Variants in SNAP25 observed in about 807,000 individuals in gnomAD.
SNAP25 encodes the protein synaptosome associated protein 25, also known as synaptosomal-associated protein 25.
Under a neutral mutation model 28.7 loss-of-function variants are expected in SNAP25, and 3 were observed. The ratio of observed to expected loss-of-function variants is 0.10; its 90% CI spans 0.05 to 0.27. SNAP25 has a LOEUF of 0.27. SNAP25 is among the 10% of genes least tolerant of loss of function. The pLI, the probability that SNAP25 is intolerant of heterozygous loss-of-function variation, is 1.00. For synonymous variants in SNAP25, 61 were observed against 88.1 expected (o/e 0.69, Z 1.72); for missense variants, 117 against 278.7 (o/e 0.42, Z 4.13).
chr20:10,263,478 G>C (rs1347370676), intron 1 of SNAP25, among the ~76,000 whole-genome samples: 1 of 152,164 alleles, frequency 6.6e-6, no homozygotes, highest in Non-Finnish European at 1.5e-5. Context: ...CCAGGTGTTG[G>C]TGTGGTCATA....
intron 1 of SNAP25, among the ~76,000 whole-genome samples, chr20:10,258,420 C>T (rs1204620634): frequency 4.6e-5 from 7 of 152,082 alleles, no homozygotes; most frequent in African/African-American, 1.7e-4. Context: ...GAAAACTATC[C>T]ATGATCAAAC....
chr20:10,291,140 C>A (rs2063989269), intron 4 of SNAP25, among the ~76,000 whole-genome samples: 1 of 152,192 alleles, frequency 6.6e-6, no homozygotes, highest in African/African-American at 2.4e-5. Context: ...ATAGTGCAAT[C>A]TCAGCTCACT....
chr20:10,288,863 CCTTT>C (rs2063937611), intron 4 of SNAP25, among the ~76,000 whole-genome samples: 1 of 151,514 alleles, frequency 6.6e-6, no homozygotes, highest in Non-Finnish European at 1.5e-5. Context: ...CACAGAAGGA[CCTTT>C]CTAATTGACA....
intron 1 of SNAP25, among the ~76,000 whole-genome samples, chr20:10,236,511 T>C (rs1447448110): frequency 6.6e-6 from 1 of 152,140 alleles, no homozygotes; most frequent in Non-Finnish European, 1.5e-5. Context: ...TTTCCCTGTC[T>C]CTCCAGAAGT....
chr20:10,289,583 G>T (rs1433848543), intron 4 of SNAP25, among the ~76,000 whole-genome samples: 1 of 151,206 alleles, frequency 6.6e-6, no homozygotes, highest in African/African-American at 2.4e-5. Context: ...AATGACTAAG[G>T]CTGTACTTAG....
chr20:10,301,768 T>G (rs192865829), intron 7 of SNAP25, among the ~76,000 whole-genome samples: 5 of 151,468 alleles, frequency 3.3e-5, no homozygotes, highest in African/African-American at 1.2e-4. Context: ...CCTCATGGAT[T>G]GTCAAGAAAT....
At chr20:10,300,241 G>A (rs142955102) in intron 7 of SNAP25, among the ~76,000 whole-genome samples, 10 of 152,226 alleles carry the variant, frequency 6.6e-5, no homozygotes, top group South Asian at 2.1e-4. Context: ...ACACTGGAAC[G>A]TTCCTATAAA....
chr20:10,274,952 C>A (rs2063662520), intron 1 of SNAP25, among the ~76,000 whole-genome samples: 1 of 152,014 alleles, frequency 6.6e-6, no homozygotes, highest in African/African-American at 2.4e-5. Context: ...TGGCTATGTT[C>A]ATTGTTTTGA....
intron 4 of SNAP25, among the ~76,000 whole-genome samples, chr20:10,286,836 C>T (rs1027340397): frequency 2.0e-5 from 3 of 152,120 alleles, no homozygotes; most frequent in African/African-American, 7.2e-5. Flanking sequence ...ACAAAGTCTA[C>T]TAGAGTTCCA....
chr20:10,275,588 G>C (rs763918551), intron 2 of SNAP25, 25 bp downstream of exon 2: 1 of 1,571,402 alleles, frequency 6.4e-7, no homozygotes. Context: ...CCTAGGAAGG[G>C]AGGCAAAAGA....
chr20:10,265,146 A>G (rs1486067165), intron 1 of SNAP25, among the ~76,000 whole-genome samples: 1 of 152,172 alleles, frequency 6.6e-6, no homozygotes, highest in African/African-American at 2.4e-5. Flanking sequence ...GAAATAGTTT[A>G]AAACCAGTAT....
rs1295394902 is a variant in SNAP25, at chr20:10,296,909, CCT to C, written c.282-11_282-10del. ...TCCACCCCTGTGCCTTGTCACTCAC[CCT>C]CTCTTTTGCATAGGCTTAAATCAAG... On this transcript the variant is annotated splice_polypyrimidine_tract_variant and intron_variant, in intron 5 of 7. Transcript: ENST00000254976. 2 of 1,613,888 alleles carry C rather than the reference CCT, an allele frequency of 1.2e-6. No individual in the cohort carries two copies. The highest frequency in any genetic ancestry group is 1.7e-6 in the Non-Finnish European group (2 of 1,179,934).
chr20:10,257,835 A>T (rs2063346748), intron 1 of SNAP25, among the ~76,000 whole-genome samples: 2 of 150,158 alleles, frequency 1.3e-5, no homozygotes, highest in Non-Finnish European at 3.0e-5. Flanking sequence ...GTGAGCCAAG[A>T]TCATGCCACT....
chr20:10,277,397 T>A (rs1221805564), intron 2 of SNAP25, among the ~76,000 whole-genome samples: 1 of 152,264 alleles, frequency 6.6e-6, no homozygotes, highest in Admixed American at 6.5e-5. Flanking sequence ...GCATGCAAAA[T>A]TATCTTCTCC....
intron 3 of SNAP25, among the ~76,000 whole-genome samples, chr20:10,280,422 A>G (rs2063760066): frequency 6.6e-6 from 1 of 152,208 alleles, no homozygotes; most frequent in African/African-American, 2.4e-5. Flanking sequence ...ATGCATTTCA[A>G]CAAATATTCA....
chr20:10,303,945 G>C (rs1433112038), intron 7 of SNAP25, among the ~76,000 whole-genome samples: 1 of 152,132 alleles, frequency 6.6e-6, no homozygotes, highest in Admixed American at 6.5e-5. Context: ...TCATAGAAAT[G>C]AATCTTCAGA....
chr20:10,267,246 T>G (rs2063520953), intron 1 of SNAP25, among the ~76,000 whole-genome samples: 1 of 152,048 alleles, frequency 6.6e-6, no homozygotes. Flanking sequence ...CAGTAACACA[T>G]AGAGCACAAT....
chr20:10,247,152 T>C (rs112983828), intron 1 of SNAP25, among the ~76,000 whole-genome samples: 2,380 of 152,238 alleles, frequency 0.016, 61 homozygotes, highest in African/African-American at 0.053. Context: ...CGATGGCAAA[T>C]GCAAACATCT....
intron 1 of SNAP25, among the ~76,000 whole-genome samples, chr20:10,257,958 TAC>T (rs1444774013): frequency 6.6e-6 from 1 of 151,736 alleles, no homozygotes; most frequent in African/African-American, 2.4e-5. Flanking sequence ...AGGAAAACCT[TAC>T]CTGTTTGTAT....
Sources: gnomAD v4.1 joint callset for allele counts (sites outside exome capture counted in the v4.1 genomes callset) on GRCh38, gnomAD v4.1.1 for gene constraint, MANE v1.5 for transcripts, NCBI Gene and HGNC (gene_info 2026-07-23, HGNC 2026-07-21) for gene names.